TSPAN14: variants seen among roughly 807,000 people sequenced by gnomAD.
TSPAN14 encodes tetraspanin-14.
Under a neutral mutation model 36.6 loss-of-function variants are expected in TSPAN14, and 16 were observed. That is an observed-to-expected ratio of 0.44 (90% CI 0.30 to 0.66). The LOEUF is 0.66. Ranked by LOEUF, TSPAN14 falls within the 30% of genes least tolerant of loss-of-function variation. The pLI is 0.12. For missense variants in TSPAN14, 231 were observed against 355.1 expected (o/e 0.65, Z 2.81); for synonymous variants, 139 against 143.8 (o/e 0.97, Z 0.24).
intron 2 of TSPAN14, among the ~76,000 whole-genome samples, chr10:80,502,913 C>T (rs532052541): frequency 2.0e-5 from 3 of 151,764 alleles, no homozygotes; most frequent in East Asian, 3.9e-4. Flanking sequence ...CTAGAGGGGT[C>T]TGAAGGAGGA....
At chr10:80,462,105 G>C (rs1846004869) in intron 1 of TSPAN14, among the ~76,000 whole-genome samples, 1 of 152,034 alleles carries the variant, frequency 6.6e-6, no homozygotes, top group Non-Finnish European at 1.5e-5. Flanking sequence ...TGTAGAGATT[G>C]GATCTTGCTA....
intron 1 of TSPAN14, among the ~76,000 whole-genome samples, chr10:80,472,797 T>C (rs1455817319): frequency 6.6e-6 from 1 of 152,242 alleles, no homozygotes; most frequent in East Asian, 1.9e-4. Context: ...GTTGTTATTA[T>C]TGTTTATTTT....
chr10:80,516,225 T>G (rs749332284), exon 8 of TSPAN14: 1 of 1,614,128 alleles, frequency 6.2e-7, no homozygotes, highest in Non-Finnish European at 8.5e-7. Flanking sequence ...GTGGGATGAG[T>G]CCATCTTCAC....
At chr10:80,490,587 G>T (rs1287449331) in intron 2 of TSPAN14, among the ~76,000 whole-genome samples, 1 of 152,206 alleles carries the variant, frequency 6.6e-6, no homozygotes, top group Non-Finnish European at 1.5e-5. Context: ...AGTGGAGGTT[G>T]TTGATGTTGA....
chr10:80,462,550 A>G (rs1216166220), intron 1 of TSPAN14, among the ~76,000 whole-genome samples: 2 of 152,206 alleles, frequency 1.3e-5, no homozygotes, highest in African/African-American at 4.8e-5. Flanking sequence ...TTAGGGGGAA[A>G]AATCACTTGG....
chr10:80,498,988 C>T (rs1177858359), intron 2 of TSPAN14, among the ~76,000 whole-genome samples: 2 of 152,222 alleles, frequency 1.3e-5, no homozygotes, highest in Non-Finnish European at 2.9e-5. Context: ...CGGAGGCCAG[C>T]AGGGCAGAGC....
intron 1 of TSPAN14, among the ~76,000 whole-genome samples, chr10:80,464,701 G>A (rs189747756): frequency 8.9e-4 from 135 of 152,332 alleles, no homozygotes; most frequent in African/African-American, 3.2e-3. Flanking sequence ...GCAGCTCATT[G>A]TCTGGGCCTG....
intron 1 of TSPAN14, among the ~76,000 whole-genome samples, chr10:80,460,890 C>T (rs530448396): frequency 3.3e-5 from 5 of 152,172 alleles, no homozygotes; most frequent in Non-Finnish European, 5.9e-5. Context: ...TTGTGGTTCT[C>T]GCTCCCGCCT....
At chr10:80,488,412 A>G (rs1313590913) in intron 1 of TSPAN14, among the ~76,000 whole-genome samples, 1 of 152,230 alleles carries the variant, frequency 6.6e-6, no homozygotes, top group African/African-American at 2.4e-5. Flanking sequence ...GATAAAAAAC[A>G]GTGGCCCCAC....
chr10:80,511,720 C>CTCTT (rs1368028108), intron 5 of TSPAN14, among the ~76,000 whole-genome samples: 1 of 40,492 alleles, frequency 2.5e-5, no homozygotes, highest in East Asian at 4.6e-4. Flanking sequence ...TCCTCTCTCT[C>CTCTT]TCTCTCTCTC....
chr10:80,504,910 A>G, intron 3 of TSPAN14, 132 bp downstream of exon 3: 2 of 969,938 alleles, frequency 2.1e-6, no homozygotes, highest in Non-Finnish European at 1.6e-6. Context: ...TATAATTGTC[A>G]ATCTTTACAG....
At chr10:80,503,311 GCT>G (rs946275756) in intron 2 of TSPAN14, among the ~76,000 whole-genome samples, 2 of 152,178 alleles carry the variant, frequency 1.3e-5, no homozygotes, top group African/African-American at 4.8e-5. Flanking sequence ...GGTAGAAAGG[GCT>G]CTACCCCCTT....
chr10:80,464,211 C>T (rs113301123), intron 1 of TSPAN14, among the ~76,000 whole-genome samples: 91 of 152,322 alleles, frequency 6.0e-4, no homozygotes, highest in African/African-American at 2.0e-3. Context: ...GTGTGAGGAT[C>T]GGCCTCCTTC....
intron 2 of TSPAN14, 101 bp downstream of exon 2, chr10:80,489,415 T>C: frequency 1.2e-6 from 1 of 861,712 alleles, no homozygotes; most frequent in South Asian, 1.4e-5. Context: ...TGTAAGGCTC[T>C]GGGATAAGGT....
chr10:80,483,121 G>A (rs1024141592), intron 1 of TSPAN14, among the ~76,000 whole-genome samples: 6 of 152,192 alleles, frequency 3.9e-5, no homozygotes. Context: ...AAGGGCAGGA[G>A]GGAGGAATAT....
intron 8 of TSPAN14, among the ~76,000 whole-genome samples, 169 bp downstream of exon 8, chr10:80,516,492 T>C (rs554762593): frequency 1.3e-5 from 2 of 152,100 alleles, no homozygotes; most frequent in Admixed American, 1.3e-4. Flanking sequence ...TGCGTGTAAG[T>C]GTATTGGGGA....
exon 9 of TSPAN14, chr10:80,519,026 A>C (rs930878025): frequency 2.0e-5 from 3 of 152,720 alleles, no homozygotes; most frequent in African/African-American, 7.2e-5. Flanking sequence ...TGAAATTGTC[A>C]CCCAGAATTT....
chr10:80,516,128 A>G (rs2132067488), intron 7 of TSPAN14, 76 bp from the exon 8 acceptor site: 1 of 1,606,742 alleles, frequency 6.2e-7, no homozygotes, highest in Non-Finnish European at 8.5e-7. Flanking sequence ...CCTGCTCCTT[A>G]CCAGAGCTCA....
Position 80,489,322 on chromosome 10 carries a change from G to A in TSPAN14, c.81+8G>A, listed in dbSNP as rs569118313. 3 of 1,529,096 alleles carry A rather than the reference G, an allele frequency of 2.0e-6. No homozygotes were observed. Among genetic ancestry groups the A allele is most frequent in the South Asian group, 2.4e-5 (2 of 84,234 alleles). The allele number at this position is 1,529,096 out of a possible 1,614,324, so 94.7% of individuals were successfully genotyped here. A position where few individuals can be genotyped will look rare whatever the true frequency, so the allele number is the denominator to read the frequency against. ...TACAACATCATCTTCTGGGTAAGTG[G>A]ATGAGAGCTGCCACATTCCCTTGTT... On this transcript the variant is annotated splice_region_variant and intron_variant, in intron 2 of 8. Coordinates refer to ENST00000429989, the Ensembl canonical transcript of TSPAN14.
Sources: allele counts gnomAD v4.1 joint callset (sites outside exome capture counted in the v4.1 genomes callset), GRCh38; gene constraint gnomAD v4.1.1; transcripts MANE v1.5; gene names NCBI Gene and HGNC (gene_info 2026-07-23, HGNC 2026-07-21).